The following TMEM165 variants were observed in gnomAD, a reference collection of about 807,000 sequenced individuals.
TMEM165 encodes transmembrane protein 165.
A neutral mutation model predicts 30.0 loss-of-function variants in TMEM165; 19 were observed. That is an observed-to-expected ratio of 0.63 (90% CI 0.44 to 0.93). The LOEUF (loss-of-function observed/expected upper bound fraction) is 0.93, where lower values mean the gene tolerates loss of function less well. Ranked by LOEUF, TMEM165 falls within the 40% of genes least tolerant of loss-of-function variation. The pLI, the probability that TMEM165 is intolerant of heterozygous loss-of-function variation, is 0.00. For missense variants in TMEM165, 340 were observed against 417.0 expected (o/e 0.82, Z 1.61); for synonymous variants, 168 against 162.9 (o/e 1.03, Z -0.24).
intron 3 of TMEM165, among the ~76,000 whole-genome samples, chr4:55,450,813 T>G (rs11133382): frequency 0.58 from 87,682 of 151,162 alleles, 27,171 homozygotes; most frequent in South Asian, 0.81. Flanking sequence ...AGACCTAAAT[T>G]TTAACAGCTA....
intron 3 of TMEM165, among the ~76,000 whole-genome samples, chr4:55,446,202 T>TC (rs1486683123): frequency 2.0e-5 from 3 of 147,378 alleles, no homozygotes; most frequent in Non-Finnish European, 3.0e-5. Flanking sequence ...CAAGCAATCC[T>TC]CCCACTTCAG....
At chr4:55,450,196 CTG>C in intron 3 of TMEM165, 1 of 1,613,992 alleles carries the variant, frequency 6.2e-7, no homozygotes, top group Non-Finnish European at 8.5e-7. Context: ...TTGAGACTGA[CTG>C]TGTTTATACG....
At chr4:55,441,428 T>C (rs971889663) in intron 3 of TMEM165, among the ~76,000 whole-genome samples, 5 of 152,170 alleles carry the variant, frequency 3.3e-5, no homozygotes, top group South Asian at 2.1e-4. Flanking sequence ...GACACCTGCA[T>C]ACATATGGCT....
chr4:55,424,948 A>G lies in TMEM165; in HGVS notation c.898+305A>G, dbSNP rs566918286. The G allele has an allele frequency of 4.6e-4, 179 of 387,350 alleles. 1 individual carries two copies. The South Asian group carries it at 5.2e-3, about 11-fold the overall frequency. The allele number at this position is 387,350 out of a possible 1,614,324, so 24.0% of individuals were successfully genotyped here. A position where few individuals can be genotyped will look rare whatever the true frequency, so the allele number is the denominator to read the frequency against. On this transcript the variant is annotated intron_variant, in intron 5 of 5. Transcript: ENST00000381334. ...TTTTGGCTCTAAAAATGTGTCTTACAAGACTGGAATCATGTGGAGACCATA... is the reference window on the plus strand; with the variant it reads ...TTTTGGCTCTAAAAATGTGTCTTACGAGACTGGAATCATGTGGAGACCATA...
At chr4:55,453,234 G>T in exon 4 of TMEM165, 2 of 942,374 alleles carry the variant, frequency 2.1e-6, no homozygotes, top group East Asian at 2.5e-5. Context: ...TGTTCATCTA[G>T]ACTATTTGCT....
intron 3 of TMEM165, chr4:55,444,763 C>G (rs1723657380): frequency 6.2e-7 from 1 of 1,613,760 alleles, no homozygotes; most frequent in African/African-American, 1.3e-5. Flanking sequence ...TTGCATGGCT[C>G]CTAATTGAGC....
chr4:55,438,649 G>C, intron 3 of TMEM165: 2 of 1,493,842 alleles, frequency 1.3e-6, no homozygotes, highest in South Asian at 2.4e-5. Flanking sequence ...TTGCCAGTTT[G>C]TTTTTCAAGG....
chr4:55,402,119 C>CAAAAAAAAAAAAAAAAAAAAA (rs71194551), intron 1 of TMEM165, among the ~76,000 whole-genome samples: 8 of 106,972 alleles, frequency 7.5e-5, no homozygotes, highest in African/African-American at 3.4e-4. Context: ...ACTCTGTCTC[C>CAAAAAAAAAAAAAAAAAAAAA]AAAAAAAAAA....
At chr4:55,437,905 G>A (rs765482293) in intron 3 of TMEM165, among the ~76,000 whole-genome samples, 1 of 152,140 alleles carries the variant, frequency 6.6e-6, no homozygotes, top group Non-Finnish European at 1.5e-5. Context: ...ACCTATACTA[G>A]TAAAAAGAAA....
chr4:55,444,736 A>C (rs1428754930), intron 3 of TMEM165: 1 of 1,614,144 alleles, frequency 6.2e-7, no homozygotes, highest in South Asian at 1.1e-5. Flanking sequence ...CCGTTGTTCC[A>C]ATTGGTCTTT....
intron 1 of TMEM165, among the ~76,000 whole-genome samples, chr4:55,408,526 G>C (rs1177275339): frequency 6.6e-6 from 1 of 152,104 alleles, no homozygotes; most frequent in African/African-American, 2.4e-5. Flanking sequence ...ACATAGAAAA[G>C]GTAAAGTAAA....
chr4:55,435,640 G>A, intron 3 of TMEM165: 1 of 1,586,562 alleles, frequency 6.3e-7, no homozygotes, highest in Non-Finnish European at 8.6e-7. Flanking sequence ...TCCCTTTATG[G>A]CACCCACATA....
intron 1 of TMEM165, among the ~76,000 whole-genome samples, chr4:55,400,982 A>C (rs1038230759): frequency 6.6e-6 from 1 of 150,640 alleles, no homozygotes; most frequent in African/African-American, 2.5e-5. Flanking sequence ...TACATGCAGT[A>C]GATGTTTTAA....
chr4:55,435,509 G>A, intron 3 of TMEM165: 2 of 1,614,048 alleles, frequency 1.2e-6, no homozygotes, highest in Non-Finnish European at 1.7e-6. Flanking sequence ...CTGGTGATGT[G>A]ACTGAGGGAA....
chr4:55,406,686 G>A (rs528338194), intron 1 of TMEM165, among the ~76,000 whole-genome samples: 1 of 152,232 alleles, frequency 6.6e-6, no homozygotes, highest in South Asian at 2.1e-4. Flanking sequence ...TTGAGACAGG[G>A]TCTCACTCTG....
rs754360077 is a variant in TMEM165 at position 55,450,244 on chromosome 4, G to GAGCCA, written c.409-1993_409-1992insCCAAG. ...CCAGAATCTTGGCTCTATGGAGACA[G>GAGCCA]AGTAAAATAAATGTTTTCTTGTGGT... On this transcript the variant is annotated intron_variant, in intron 3 of 3. Coordinates refer to the TMEM165 transcript ENST00000608091. 4.2e-5 allele frequency: 68 copies of GAGCCA among 1,613,718 alleles called. No individual in the cohort carries two copies. In the African/African-American group the frequency reaches 8.8e-4, roughly 21 times the overall value.
chr4:55,452,654 T>C (rs1164796741), exon 4 of TMEM165: 2 of 186,904 alleles, frequency 1.1e-5, no homozygotes, highest in African/African-American at 4.8e-5. Context: ...CAATTCTGAC[T>C]ATAATTTCCC....
At chr4:55,419,240 G>C (rs1192680805) in intron 4 of TMEM165, among the ~76,000 whole-genome samples, 1 of 152,134 alleles carries the variant, frequency 6.6e-6, no homozygotes, top group Non-Finnish European at 1.5e-5. Flanking sequence ...TCCTGCCTCA[G>C]CCTCGCAAAT....
At chr4:55,441,780 C>A (rs1723389519) in intron 3 of TMEM165, among the ~76,000 whole-genome samples, 1 of 152,116 alleles carries the variant, frequency 6.6e-6, no homozygotes, top group Non-Finnish European at 1.5e-5. Context: ...GTGCACTACT[C>A]AGGTGATCAG....
Sources: allele counts gnomAD v4.1 joint callset (sites outside exome capture counted in the v4.1 genomes callset), GRCh38; gene constraint gnomAD v4.1.1; transcripts MANE v1.5; gene names NCBI Gene and HGNC (gene_info 2026-07-23, HGNC 2026-07-21).